The following GRIK2 variants were observed in gnomAD, a reference collection of about 807,000 sequenced individuals.
GRIK2 encodes the protein glutamate ionotropic receptor kainate type subunit 2.
GRIK2 carries 32 observed loss-of-function variants against 100.3 expected under a neutral mutation model. That is an observed-to-expected ratio of 0.32 (90% CI 0.24 to 0.43). The LOEUF is 0.43. Ranked by LOEUF, GRIK2 falls within the 20% of genes least tolerant of loss-of-function variation. The pLI is 1.00. For missense variants in GRIK2, 843 were observed against 1,114.9 expected, an observed-to-expected ratio of 0.76 and a Z score of 3.47; for synonymous variants, 417 against 389.4, an observed-to-expected ratio of 1.07 and a Z score of -0.83.
In GRIK2 at chr6:101,922,076, TTTCCTTCCTTCCTTCCTTCCTTCCTTCC is replaced by T. The variant is rs906511587; in HGVS notation, c.1749-2488_1749-2461del. Among the ~76,000 whole-genome samples the T allele has an allele frequency of 4.5e-5, 5 of 110,220 alleles. No individual in the cohort carries two copies. In the Admixed American group the frequency reaches 5.0e-4, roughly 11 times the overall value. 72.3% of individuals were successfully genotyped at this position (110,220 alleles called of 152,430 possible). A position where few individuals can be genotyped will look rare whatever the true frequency, so the allele number is the denominator to read the frequency against. The stretch of plus-strand genomic sequence containing the variant: ...GATTCTTCCTTCCTACCTTTCTCCA[TTTCCTTCCTTCCTTCCTTCCTTCCTTCC>T]TTCCTTCCTTCCTTCCTTCCTTCCT... On this transcript the variant is annotated intron_variant, in intron 12 of 16. Coordinates refer to ENST00000369134, the MANE Select transcript of GRIK2 (RefSeq NM_021956.5).
intron 1 of GRIK2, chr6:101,398,783 T>G (rs1775119581): frequency 5.3e-6 from 2 of 376,590 alleles, no homozygotes; most frequent in African/African-American, 2.1e-5. Context: ...CCGGGAGCCT[T>G]AAGAGGAGAG....
At chr6:101,804,962 G>C (rs576663918) in intron 9 of GRIK2, among the ~76,000 whole-genome samples, 7 of 151,986 alleles carry the variant, frequency 4.6e-5, no homozygotes, top group Admixed American at 2.0e-4. Context: ...TACAGCTCAA[G>C]GTCTAGATTC....
chr6:101,686,420 G>A, intron 7 of GRIK2, 67 bp downstream of exon 7: 2 of 1,130,944 alleles, frequency 1.8e-6, no homozygotes, highest in Non-Finnish European at 2.6e-6. Flanking sequence ...ATGAACTTCT[G>A]GGTTTATATG....
chr6:101,509,198 A>G lies in GRIK2; in HGVS notation c.115+109806A>G, dbSNP rs115509675. Among the ~76,000 whole-genome samples, 786 of 151,252 alleles carry G rather than the reference A, an allele frequency of 5.2e-3. 7 individuals carry two copies. The highest frequency in any genetic ancestry group is 0.018 in the African/African-American group (752 of 41,224). On this transcript the variant is annotated intron_variant, in intron 2 of 16. Transcript: ENST00000369134. ...AAAAATGGAGCTAATAATATTGTCC[A>G]GATAGAGCTGTGAGGATTAAATTTT...
At chr6:101,937,555 A>G (rs1454191231) in intron 14 of GRIK2, among the ~76,000 whole-genome samples, 1 of 152,166 alleles carries the variant, frequency 6.6e-6, no homozygotes, top group East Asian at 1.9e-4. Context: ...TTATCCAAAA[A>G]TACCTTGACA....
intron 7 of GRIK2, among the ~76,000 whole-genome samples, chr6:101,699,643 T>G (rs1772741734): frequency 6.6e-6 from 1 of 152,094 alleles, no homozygotes; most frequent in African/African-American, 2.4e-5. Flanking sequence ...TCCACTTTCT[T>G]TCTAGCAACT....
chr6:101,896,879 T>C (rs574266304), intron 12 of GRIK2, among the ~76,000 whole-genome samples: 1 of 151,646 alleles, frequency 6.6e-6, no homozygotes. Flanking sequence ...TGGGGTGATA[T>C]GAAGAAACTC....
At chr6:101,684,402 T>C (rs1368917119) in intron 6 of GRIK2, among the ~76,000 whole-genome samples, 1 of 152,224 alleles carries the variant, frequency 6.6e-6, no homozygotes, top group Non-Finnish European at 1.5e-5. Context: ...CTTTTGCTAC[T>C]ATTCTCCTTT....
intron 2 of GRIK2, among the ~76,000 whole-genome samples, chr6:101,575,548 G>A (rs1777752540): frequency 6.6e-6 from 1 of 151,932 alleles, no homozygotes; most frequent in Non-Finnish European, 1.5e-5. Flanking sequence ...AAACATATCT[G>A]AATATGGCTT....
At chr6:101,925,735 CT>C (rs202114042) in intron 13 of GRIK2, among the ~76,000 whole-genome samples, 3,050 of 151,926 alleles carry the variant, frequency 0.02, 106 homozygotes, top group African/African-American at 0.071. Context: ...TTAATATCCA[CT>C]TTGAAGAAAT....
At chr6:101,706,164 T>C (rs1239696885) in intron 7 of GRIK2, among the ~76,000 whole-genome samples, 1 of 151,936 alleles carries the variant, frequency 6.6e-6, no homozygotes, top group East Asian at 1.9e-4. Flanking sequence ...ATGTTTTGTT[T>C]CAGATCTCAT....
chr6:101,544,772 C>A (rs1442790235), intron 2 of GRIK2, among the ~76,000 whole-genome samples: 2 of 152,152 alleles, frequency 1.3e-5, no homozygotes, highest in East Asian at 1.9e-4. Flanking sequence ...GTTTGGGAAA[C>A]TGAGATTTAG....
chr6:101,405,336 G>A (rs1051948905), intron 2 of GRIK2, among the ~76,000 whole-genome samples: 18 of 151,518 alleles, frequency 1.2e-4, no homozygotes, highest in Non-Finnish European at 5.9e-5. Context: ...ATTTTTAAGA[G>A]CTGATTTAAT....
chr6:101,639,247 G>C (rs1272473860), intron 4 of GRIK2, among the ~76,000 whole-genome samples: 1 of 151,908 alleles, frequency 6.6e-6, no homozygotes, highest in African/African-American at 2.4e-5. Context: ...CATGTTGGTC[G>C]GGTCGCAAAC....
chr6:101,709,281 C>G (rs1331790840), intron 7 of GRIK2, among the ~76,000 whole-genome samples: 1 of 151,720 alleles, frequency 6.6e-6, no homozygotes. Flanking sequence ...TTAGTTTGGA[C>G]TTCTTGCCTC....
At chr6:101,537,428 T>TTG (rs1562209213) in intron 2 of GRIK2, among the ~76,000 whole-genome samples, 3 of 135,610 alleles carry the variant, frequency 2.2e-5, no homozygotes, top group African/African-American at 2.8e-5. Context: ...GTGTGTGTGT[T>TTG]TGTGTGTGTG....
chr6:101,703,500 A>G (rs1300744523), intron 7 of GRIK2, among the ~76,000 whole-genome samples: 2 of 151,782 alleles, frequency 1.3e-5, no homozygotes, highest in Non-Finnish European at 2.9e-5. Flanking sequence ...CCTCAATACT[A>G]TTGTCTGCTT....
intron 4 of GRIK2, among the ~76,000 whole-genome samples, chr6:101,651,692 T>C (rs986533012): frequency 3.9e-5 from 6 of 152,034 alleles, no homozygotes; most frequent in Non-Finnish European, 8.8e-5. Flanking sequence ...ACTTAAAAAA[T>C]GGAGTTGCCA....
intron 11 of GRIK2, among the ~76,000 whole-genome samples, chr6:101,862,342 T>A (rs1784778637): frequency 6.6e-6 from 1 of 152,146 alleles, no homozygotes; most frequent in South Asian, 2.1e-4. Context: ...TTCCTTCACA[T>A]GTAAGACTGA....
Sources: gnomAD v4.1 joint callset for allele counts (sites outside exome capture counted in the v4.1 genomes callset) on GRCh38, gnomAD v4.1.1 for gene constraint, MANE v1.5 for transcripts, NCBI Gene and HGNC (gene_info 2026-07-23, HGNC 2026-07-21) for gene names.